The following COL19A1 variants were observed in gnomAD, a reference collection of about 807,000 sequenced individuals.
COL19A1 encodes collagen alpha-1(XIX) chain.
Under a neutral mutation model 190.2 loss-of-function variants are expected in COL19A1, and 159 were observed. The ratio of observed to expected loss-of-function variants is 0.84; its 90% CI spans 0.73 to 0.95. The LOEUF is 0.95. Ranked by LOEUF, COL19A1 falls within the 40% of genes least tolerant of loss-of-function variation. The probability of loss-of-function intolerance (pLI) is 0.00; values close to 1 mark genes in which losing one functional copy is unlikely to be tolerated. For missense variants in COL19A1, 1,418 were observed against 1,431.9 expected (o/e 0.99, Z 0.16); for synonymous variants, 509 against 458.9 (o/e 1.11, Z -1.39).
chr6:69,944,859 A>G (rs149458981), intron 9 of COL19A1, among the ~76,000 whole-genome samples: 1 of 152,134 alleles, frequency 6.6e-6, no homozygotes, highest in East Asian at 1.9e-4. Context: ...GATTTTAACC[A>G]TGCTCTTTAA....
intron 11 of COL19A1, among the ~76,000 whole-genome samples, chr6:69,979,921 C>A (rs1265010410): frequency 1.3e-5 from 2 of 151,736 alleles, no homozygotes; most frequent in Non-Finnish European, 3.0e-5. Context: ...AAAATAAAAT[C>A]TAAATGAATG....
intron 2 of COL19A1, among the ~76,000 whole-genome samples, chr6:69,896,265 C>T (rs1179314001): frequency 1.3e-5 from 2 of 152,032 alleles, no homozygotes; most frequent in African/African-American, 2.4e-5. Flanking sequence ...AGGCCGGGCG[C>T]GGTGGCTCAC....
intron 2 of COL19A1, 149 bp downstream of exon 2, chr6:69,879,807 C>T (rs1466807806): frequency 4.2e-6 from 3 of 706,014 alleles, no homozygotes. Flanking sequence ...ATTGATCTTC[C>T]CATGATGCAC....
At chr6:69,892,000 C>T (rs953794221) in intron 2 of COL19A1, among the ~76,000 whole-genome samples, 3 of 152,158 alleles carry the variant, frequency 2.0e-5, no homozygotes, top group Non-Finnish European at 4.4e-5. Context: ...AAGCTGAATG[C>T]TAAGTTAAAA....
intron 2 of COL19A1, among the ~76,000 whole-genome samples, chr6:69,895,898 G>A (rs775690613): frequency 1.2e-4 from 18 of 151,988 alleles, no homozygotes; most frequent in Non-Finnish European, 1.8e-4. Context: ...GGTTGTTTCT[G>A]GTTTTAGACT....
At chr6:69,923,266 T>G (rs1772118078) in intron 4 of COL19A1, among the ~76,000 whole-genome samples, 1 of 152,168 alleles carries the variant, frequency 6.6e-6, no homozygotes, top group Non-Finnish European at 1.5e-5. Flanking sequence ...TTATGGCATT[T>G]TAACTTGTCC....
chr6:70,000,005 C>T lies in COL19A1; in HGVS notation c.1027-23622C>T, dbSNP rs186099042. ...GCCTACTGACACATCCTTTAAGTTC[C>T]CTCCCCTCACCCTCCATCCCTCAAC... On this transcript the variant is annotated intron_variant, in intron 11 of 50. Transcript: ENST00000620364. Among the ~76,000 whole-genome samples, 16 of 151,900 alleles carry T rather than the reference C, an allele frequency of 1.1e-4. No homozygotes were observed. The East Asian group carries it at 2.1e-3, about 20-fold the overall frequency.
At chr6:70,068,622 G>C (rs1781384861) in intron 15 of COL19A1, 146 bp downstream of exon 15, 3 of 541,526 alleles carry the variant, frequency 5.5e-6, no homozygotes, top group Admixed American at 3.6e-5. Flanking sequence ...TGAGATTCGA[G>C]ATTTTGACAG....
intron 1 of COL19A1, among the ~76,000 whole-genome samples, chr6:69,879,081 G>A (rs530549033): frequency 1.3e-5 from 2 of 152,262 alleles, no homozygotes; most frequent in South Asian, 4.1e-4. Context: ...TGAGCACAGA[G>A]TTTCAGTTTT....
intron 12 of COL19A1, among the ~76,000 whole-genome samples, chr6:70,031,177 A>C (rs1338576872): frequency 6.6e-6 from 1 of 151,594 alleles, no homozygotes; most frequent in African/African-American, 2.4e-5. Context: ...CTTTTATCTT[A>C]GTGACCTCTG....
intron 4 of COL19A1, among the ~76,000 whole-genome samples, chr6:69,902,310 A>G (rs1183768960): frequency 6.6e-6 from 1 of 152,214 alleles, no homozygotes; most frequent in African/African-American, 2.4e-5. Context: ...TCTATTTTAT[A>G]TGGAAAATGG....
chr6:70,092,491 TACTC>T (rs1326159976), intron 15 of COL19A1, among the ~76,000 whole-genome samples: 5 of 152,086 alleles, frequency 3.3e-5, no homozygotes, highest in African/African-American at 1.2e-4. Context: ...AAATAAAACT[TACTC>T]ACATCTTTTT....
intron 11 of COL19A1, among the ~76,000 whole-genome samples, chr6:70,022,138 A>T (rs1463802079): frequency 6.6e-6 from 1 of 152,120 alleles, no homozygotes; most frequent in African/African-American, 2.4e-5. Context: ...ACTTTTTTGC[A>T]AATAAAATGA....
chr6:69,880,239 G>A (rs1206381617), intron 2 of COL19A1, among the ~76,000 whole-genome samples: 1 of 152,156 alleles, frequency 6.6e-6, no homozygotes, highest in Non-Finnish European at 1.5e-5. Flanking sequence ...AGGGCAATTT[G>A]AAATATTTAC....
At chr6:70,131,266 C>G in intron 18 of COL19A1, 1 of 215,316 alleles carries the variant, frequency 4.6e-6, no homozygotes. Flanking sequence ...CATTCATTCA[C>G]CTGTAAAAAT....
chr6:70,031,799 C>T (rs969320330), intron 12 of COL19A1, among the ~76,000 whole-genome samples: 2 of 152,156 alleles, frequency 1.3e-5, no homozygotes, highest in Admixed American at 1.3e-4. Flanking sequence ...CTGACACCCC[C>T]CTTGAAGTAG....
rs77350663 is a variant in COL19A1 at position 70,117,005 on chromosome 6, C to T, written c.1279-4875C>T. 9.9e-3 allele frequency among the ~76,000 whole-genome samples: 1,507 copies of T among 152,234 alleles called. 16 individuals are homozygous for T. The highest frequency in any genetic ancestry group is 0.033 in the African/African-American group (1,378 of 41,520). On this transcript the variant is annotated intron_variant, in intron 16 of 50. Transcript: ENST00000620364. ...GTGGCATCTGGATGGCTCAAGGAGA[C>T]TCAGTCAACAGAGATGAAGAGGTAC...
At chr6:70,065,118 G>A (rs373213103) in intron 14 of COL19A1, among the ~76,000 whole-genome samples, 19 of 151,876 alleles carry the variant, frequency 1.3e-4, no homozygotes, top group Admixed American at 6.6e-4. Context: ...TTTAAAGTTC[G>A]TATGGAACCA....
At chr6:70,091,334 T>C (rs528553024) in intron 15 of COL19A1, among the ~76,000 whole-genome samples, 31 of 152,286 alleles carry the variant, frequency 2.0e-4, no homozygotes, top group African/African-American at 6.5e-4. Flanking sequence ...TGTAAGTTTC[T>C]TTGAATGATA....
Sources: allele counts gnomAD v4.1 joint callset (sites outside exome capture counted in the v4.1 genomes callset), GRCh38; gene constraint gnomAD v4.1.1; transcripts MANE v1.5; gene names NCBI Gene and HGNC (gene_info 2026-07-23, HGNC 2026-07-21).